Variants in SLFN12L observed in about 807,000 individuals in gnomAD.
The protein encoded by SLFN12L is schlafen family member 12 like, also known as schlafen family member 12-like.
A neutral mutation model predicts 34.8 loss-of-function variants in SLFN12L; 34 were observed. The ratio of observed to expected loss-of-function variants is 0.98; its 90% CI spans 0.74 to 1.30. SLFN12L has a LOEUF of 1.30. Ranked by LOEUF, SLFN12L falls within the 50% of genes most tolerant of loss-of-function variation. The pLI is 0.00. For synonymous variants in SLFN12L, 259 were observed against 247.5 expected (o/e 1.05, Z -0.44); for missense variants, 703 against 696.2 (o/e 1.01, Z -0.11).
intron 1 of SLFN12L, among the ~76,000 whole-genome samples, chr17:35,526,055 A>T (rs113410192): frequency 6.6e-6 from 1 of 152,224 alleles, no homozygotes; most frequent in Non-Finnish European, 1.5e-5. Context: ...AGGGGTTTCA[A>T]TCTTAGTCTC....
chr17:35,510,164 T>C (rs1468316495), intron 2 of SLFN12L: 1 of 152,258 alleles, frequency 6.6e-6, no homozygotes, highest in Non-Finnish European at 1.5e-5. Context: ...TTTAATCTTT[T>C]CAAAGCAATA....
intron 1 of SLFN12L, among the ~76,000 whole-genome samples, chr17:35,533,616 G>T (rs141153171): frequency 3.7e-4 from 57 of 152,194 alleles, no homozygotes; most frequent in Admixed American, 2.0e-4. Flanking sequence ...GGTGAAGAAG[G>T]GGGGGAAGAA....
intron 2 of SLFN12L, chr17:35,490,972 T>C: frequency 3.8e-6 from 3 of 785,174 alleles, no homozygotes; most frequent in Non-Finnish European, 7.1e-6. Flanking sequence ...ACTCAGGACA[T>C]AGCGATTGCT....
chr17:35,528,657 T>C (rs902993499), intron 1 of SLFN12L, among the ~76,000 whole-genome samples: 2 of 152,180 alleles, frequency 1.3e-5, no homozygotes, highest in Non-Finnish European at 2.9e-5. Context: ...AAACTGAAAG[T>C]GGACCCCTTC....
chr17:35,498,467 T>C lies in SLFN12L; in HGVS notation c.87-18272A>G. ...GACTGCGGAATTTTCTCATCGATTC[T>C]GATTCCCCGCATAGCCACGAAGTGA... On this transcript the variant is annotated intron_variant, in intron 2 of 4. Coordinates refer to ENST00000628453, the MANE Select transcript of SLFN12L (RefSeq NM_001363830.2). 4 of 1,251,222 alleles carry C rather than the reference T, an allele frequency of 3.2e-6. No homozygotes were observed. The South Asian group carries it at 4.8e-5, about 15-fold the overall frequency. The allele number at this position is 1,251,222 out of a possible 1,614,324, so 77.5% of individuals were successfully genotyped here. A position where few individuals can be genotyped will look rare whatever the true frequency, so the allele number is the denominator to read the frequency against.
At chr17:35,485,015 G>T (rs1324460830) in intron 2 of SLFN12L, among the ~76,000 whole-genome samples, 1 of 151,982 alleles carries the variant, frequency 6.6e-6, no homozygotes, top group Non-Finnish European at 1.5e-5. Flanking sequence ...TGATTTGTTG[G>T]CATACAATTT....
chr17:35,530,482 AAG>A (rs1162758872), intron 1 of SLFN12L, among the ~76,000 whole-genome samples: 1 of 57,266 alleles, frequency 1.7e-5, no homozygotes, highest in African/African-American at 5.1e-5. Flanking sequence ...GAAAGAAAGA[AAG>A]AAAGAAAGAA....
intron 2 of SLFN12L, among the ~76,000 whole-genome samples, chr17:35,481,681 G>C (rs72826000): frequency 0.14 from 21,224 of 152,000 alleles, 1,571 homozygotes; most frequent in South Asian, 0.25. Flanking sequence ...ACCAGGCTCC[G>C]CACCTTGGTG....
At chr17:35,490,749 TA>T in intron 2 of SLFN12L, 3 of 1,487,244 alleles carry the variant, frequency 2.0e-6, no homozygotes, top group Non-Finnish European at 1.9e-6. Flanking sequence ...TTAGTGGCCT[TA>T]AAGACCAAAC....
At chr17:35,520,704 C>T (rs1004016380) in intron 2 of SLFN12L, among the ~76,000 whole-genome samples, 14 of 151,928 alleles carry the variant, frequency 9.2e-5, no homozygotes, top group African/African-American at 3.4e-4. Context: ...CGAGATCATA[C>T]CACTGCACTC....
In SLFN12L at chr17:35,471,096, A is replaced by C. The variant is rs1433442369; in HGVS notation, c.*3827T>G. ...TTTGGGTTGGTTCCATGCCTTTGCTATTGTAAATAGTGGGGCAATAAACAT... is the reference window on the plus strand; with the variant it reads ...TTTGGGTTGGTTCCATGCCTTTGCTCTTGTAAATAGTGGGGCAATAAACAT... On this transcript the variant is annotated 3_prime_UTR_variant, in exon 5 of 5. Coordinates refer to ENST00000628453, the MANE Select transcript of SLFN12L (RefSeq NM_001363830.2). Among the ~76,000 whole-genome samples, 1 of 149,732 alleles carries C rather than the reference A, an allele frequency of 6.7e-6. No individual in the cohort carries two copies. The highest frequency in any genetic ancestry group is 1.5e-5 in the Non-Finnish European group (1 of 67,714).
At chr17:35,521,850 G>A (rs1282880839) in intron 2 of SLFN12L, among the ~76,000 whole-genome samples, 1 of 152,036 alleles carries the variant, frequency 6.6e-6, no homozygotes, top group East Asian at 1.9e-4. Context: ...CTCCAGCCTG[G>A]GTGACAGAGC....
intron 2 of SLFN12L, among the ~76,000 whole-genome samples, chr17:35,488,968 G>C (rs911670095): frequency 1.3e-5 from 2 of 152,156 alleles, no homozygotes; most frequent in Non-Finnish European, 2.9e-5. Context: ...TACTCGGGAG[G>C]CTGAGGCAAT....
chr17:35,505,296 A>G (rs895508110), intron 2 of SLFN12L, among the ~76,000 whole-genome samples: 1 of 152,236 alleles, frequency 6.6e-6, no homozygotes, highest in African/African-American at 2.4e-5. Context: ...AAAGTGGCAG[A>G]TGGAGTTTTG....
chr17:35,505,397 T>C (rs1428709161), intron 2 of SLFN12L, among the ~76,000 whole-genome samples: 1 of 152,180 alleles, frequency 6.6e-6, no homozygotes, highest in Non-Finnish European at 1.5e-5. Flanking sequence ...CTTAAGAGCC[T>C]TGGCAGCAAC....
intron 2 of SLFN12L, among the ~76,000 whole-genome samples, chr17:35,516,701 C>A (rs1262605631): frequency 2.0e-5 from 3 of 152,202 alleles, no homozygotes; most frequent in African/African-American, 7.2e-5. Flanking sequence ...TAATGATGAG[C>A]AGATTAATTT....
At chr17:35,530,527 GA>G (rs1384706293) in intron 1 of SLFN12L, among the ~76,000 whole-genome samples, 5 of 37,476 alleles carry the variant, frequency 1.3e-4, no homozygotes, top group African/African-American at 3.5e-4. Context: ...GAAAAGAAAA[GA>G]AAAGAAAAGA....
In SLFN12L at chr17:35,465,464, T is replaced by A. The variant is rs1355682426; in HGVS notation, c.*9459A>T. Among the ~76,000 whole-genome samples, 1 of 152,020 alleles carries A rather than the reference T, an allele frequency of 6.6e-6. No individual in the cohort carries two copies. Among genetic ancestry groups the A allele is most frequent in the East Asian group, 1.9e-4 (1 of 5,198 alleles). On this transcript the variant is annotated 3_prime_UTR_variant, in exon 5 of 5. Transcript: ENST00000628453. ...CAATAAATAATAAATTAAAATTAAA[T>A]TTTTGGCACTCAAAAATTGGCTTGA...
intron 2 of SLFN12L, chr17:35,490,366 C>T (rs1363794841): frequency 7.5e-7 from 1 of 1,330,868 alleles, no homozygotes; most frequent in Non-Finnish European, 1.1e-6. Context: ...ACGATAGTCT[C>T]TTGATCTGCT....
Sources: allele counts gnomAD v4.1 joint callset (sites outside exome capture counted in the v4.1 genomes callset), GRCh38; gene constraint gnomAD v4.1.1; transcripts MANE v1.5; gene names NCBI Gene and HGNC (gene_info 2026-07-23, HGNC 2026-07-21).